Variants in KHDRBS1 observed in about 807,000 individuals in gnomAD.
The protein encoded by KHDRBS1 is KH RNA binding domain containing, signal transduction associated 1.
KHDRBS1 carries 7 observed loss-of-function variants against 48.4 expected under a neutral mutation model. The observed-to-expected ratio is 0.14, with a 90% CI of 0.08 to 0.27. The LOEUF (loss-of-function observed/expected upper bound fraction) is 0.27, where lower values mean the gene tolerates loss of function less well. KHDRBS1 is among the 10% of genes least tolerant of loss of function. The pLI, the probability that KHDRBS1 is intolerant of heterozygous loss-of-function variation, is 1.00. For missense variants in KHDRBS1, 458 were observed against 601.2 expected, an observed-to-expected ratio of 0.76 and a Z score of 2.49; for synonymous variants, 241 against 235.8, an observed-to-expected ratio of 1.02 and a Z score of -0.20.
intron 3 of KHDRBS1, among the ~76,000 whole-genome samples, chr1:32,031,962 C>T (rs1287370110): frequency 1.3e-5 from 2 of 152,244 alleles, no homozygotes; most frequent in African/African-American, 4.8e-5. Flanking sequence ...AAAATTTAGT[C>T]TAAAGCAGAC....
intron 1 of KHDRBS1, among the ~76,000 whole-genome samples, chr1:32,016,525 G>A (rs78738454): frequency 2.0e-5 from 3 of 151,692 alleles, no homozygotes; most frequent in Non-Finnish European, 4.4e-5. Flanking sequence ...AAAAAAAAAA[G>A]TATATTTGAA....
At position 32,041,583 on chromosome 1, in the gene KHDRBS1, CTTTTTTTTTTT is replaced by C. The variant is rs370173805; in HGVS notation, c.1235-930_1235-920del. ...TTAAGAAAGGAGATAAGGAATTATC[CTTTTTTTTTTT>C]TTTTTTTTTTTTTGAGATGGAGTCT... On this transcript the variant is annotated intron_variant, in intron 8 of 8. Transcript: ENST00000327300. Among the ~76,000 whole-genome samples the C allele has an allele frequency of 2.2e-4, 17 of 75,608 alleles. 1 individual carries two copies. In the East Asian group the frequency reaches 6.0e-3, roughly 26 times the overall value. The allele number at this position is 75,608 out of a possible 152,430, so 49.6% of individuals were successfully genotyped here.
chr1:32,015,617 C>T (rs970538294), intron 1 of KHDRBS1, among the ~76,000 whole-genome samples: 8 of 152,174 alleles, frequency 5.3e-5, no homozygotes, highest in African/African-American at 1.9e-4. Context: ...CCCCTCACTG[C>T]TTAACTAAGA....
chr1:32,030,947 T>C (rs1639069946), intron 2 of KHDRBS1, among the ~76,000 whole-genome samples: 1 of 152,096 alleles, frequency 6.6e-6, no homozygotes, highest in South Asian at 2.1e-4. Context: ...CTTAAAAATG[T>C]TGATGTATGT....
intron 10 of KHDRBS1, among the ~76,000 whole-genome samples, chr1:32,054,715 G>A (rs909148694): frequency 4.6e-5 from 7 of 152,198 alleles, no homozygotes; most frequent in African/African-American, 1.7e-4. Context: ...GCCCGGGACG[G>A]CTTTGAATGT....
At position 32,050,751 on chromosome 1, in the gene KHDRBS1, C is replaced by T. The variant is rs962177877; in HGVS notation, n.1301+5361C>T. Among the ~76,000 whole-genome samples, 3 of 152,016 alleles carry T rather than the reference C, an allele frequency of 2.0e-5. No homozygotes were observed. The East Asian group carries it at 5.8e-4, about 29-fold the overall frequency. ...GCCAGGCTGGTCTTGAACCCCTGAG[C>T]TCAGGCAGTCCACCCACCTCGGCCT... On this transcript the variant is annotated intron_variant and non_coding_transcript_variant, in intron 10 of 10. Transcript: ENST00000484270.
At chr1:32,036,356 A>C (rs965109105) in intron 4 of KHDRBS1, among the ~76,000 whole-genome samples, 2 of 151,680 alleles carry the variant, frequency 1.3e-5, no homozygotes, top group Non-Finnish European at 2.9e-5. Flanking sequence ...TTTTTAGTAG[A>C]GATAGCGTTT....
At chr1:32,047,305 C>T (rs1639368773), downstream of KHDRBS1, among the ~76,000 whole-genome samples, 3 of 152,276 alleles carry the variant, frequency 2.0e-5, no homozygotes, top group South Asian at 4.1e-4. Context: ...ATTATAGGCA[C>T]ACACCACCAC....
At chr1:32,019,721 A>G (rs1638818817) in intron 1 of KHDRBS1, among the ~76,000 whole-genome samples, 1 of 152,194 alleles carries the variant, frequency 6.6e-6, no homozygotes, top group Non-Finnish European at 1.5e-5. Context: ...AAGATAAAGC[A>G]GAATATCATT....
chr1:32,014,675 C>G (rs1020937662), intron 1 of KHDRBS1, among the ~76,000 whole-genome samples: 2 of 152,220 alleles, frequency 1.3e-5, no homozygotes, highest in East Asian at 1.9e-4. Context: ...CCTCCTCTTG[C>G]GGCTGCCGGG....
chr1:32,059,552 A>AG (rs985099124), intron 10 of KHDRBS1, among the ~76,000 whole-genome samples: 6 of 151,070 alleles, frequency 4.0e-5, no homozygotes, highest in African/African-American at 1.2e-4. Context: ...AAAAAAAAAA[A>AG]AAGAAGAAGA....
chr1:32,022,529 C>T (rs1354752986), intron 1 of KHDRBS1, among the ~76,000 whole-genome samples: 1 of 152,096 alleles, frequency 6.6e-6, no homozygotes, highest in Non-Finnish European at 1.5e-5. Flanking sequence ...TCTTGCTCTC[C>T]TAGAAATACT....
At chr1:32,045,879 A>G (rs1416807924), downstream of KHDRBS1, among the ~76,000 whole-genome samples, 2 of 152,112 alleles carry the variant, frequency 1.3e-5, no homozygotes, top group African/African-American at 4.8e-5. Flanking sequence ...TTCTGCCTCT[A>G]CTCAAGATTC....
intron 1 of KHDRBS1, among the ~76,000 whole-genome samples, chr1:32,020,043 C>A (rs1009685763): frequency 6.6e-6 from 1 of 152,022 alleles, no homozygotes; most frequent in Non-Finnish European, 1.5e-5. Flanking sequence ...GCCTGTGTTA[C>A]AGGTGTGAGC....
intron 1 of KHDRBS1, among the ~76,000 whole-genome samples, chr1:32,015,961 G>A (rs1436759384): frequency 6.6e-6 from 1 of 151,992 alleles, no homozygotes; most frequent in Non-Finnish European, 1.5e-5. Context: ...CGGGCTGATC[G>A]CGAGGTCAGG....
chr1:32,033,080 G>C, intron 3 of KHDRBS1, 108 bp from the exon 4 acceptor site: 1 of 768,932 alleles, frequency 1.3e-6, no homozygotes. Flanking sequence ...TAACTTTACT[G>C]TTTTTCATGG....
Position 32,021,681 on chromosome 1 carries a change from A to G in KHDRBS1, c.382+7304A>G, listed in dbSNP as rs1366076196. ...ACTCAGGCTGGAGTGCAGTAACGCA[A>G]TCTTGGCTCACTGCAACCTCTGCTT... On this transcript the variant is annotated intron_variant, in intron 1 of 8. Coordinates refer to ENST00000327300, the MANE Select transcript of KHDRBS1 (RefSeq NM_006559.3). 5.3e-5 allele frequency among the ~76,000 whole-genome samples: 8 copies of G among 152,020 alleles called. No homozygotes were observed. In the South Asian group the frequency reaches 8.3e-4, roughly 16 times the overall value.
intron 1 of KHDRBS1, among the ~76,000 whole-genome samples, chr1:32,026,521 A>G (rs1209398242): frequency 6.6e-6 from 1 of 152,224 alleles, no homozygotes; most frequent in Non-Finnish European, 1.5e-5. Flanking sequence ...TGAGTAGTTC[A>G]AAAATAGAAG....
At chr1:32,046,978 C>G (rs1639365040), downstream of KHDRBS1, among the ~76,000 whole-genome samples, 1 of 152,138 alleles carries the variant, frequency 6.6e-6, no homozygotes, top group Non-Finnish European at 1.5e-5. Flanking sequence ...CTAGGGTAGT[C>G]TGAAGAAGAA....
Sources: gnomAD v4.1 joint callset for allele counts (sites outside exome capture counted in the v4.1 genomes callset) on GRCh38, gnomAD v4.1.1 for gene constraint, MANE v1.5 for transcripts, NCBI Gene and HGNC (gene_info 2026-07-23, HGNC 2026-07-21) for gene names.